The following PCBP3 variants were observed in gnomAD, a reference collection of about 807,000 sequenced individuals.
The protein encoded by PCBP3 is poly(rC)-binding protein 3.
A neutral mutation model predicts 52.7 loss-of-function variants in PCBP3; 25 were observed. The observed-to-expected ratio is 0.47, with a 90% CI of 0.35 to 0.66. The LOEUF (loss-of-function observed/expected upper bound fraction) is 0.66. Ranked by LOEUF, PCBP3 falls within the 30% of genes least tolerant of loss-of-function variation. The pLI is 0.01. For synonymous variants in PCBP3, 162 were observed against 183.0 expected, an observed-to-expected ratio of 0.89 and a Z score of 0.93; for missense variants, 391 against 490.3, an observed-to-expected ratio of 0.80 and a Z score of 1.91.
intron 4 of PCBP3, among the ~76,000 whole-genome samples, chr21:45,833,641 G>A (rs534124571): frequency 3.3e-5 from 5 of 152,368 alleles, no homozygotes; most frequent in South Asian, 2.1e-4. Context: ...CCCTGAGCAC[G>A]ACTGGATGGT....
rs1476677324 is a variant in PCBP3 at position 45,900,560 on chromosome 21, C to T, written c.190-31C>T. Reference sequence around the variant, plus strand: ...GCCGTCCTCAGAGCCAGAGGGATACCTTTTCCTTATTGTCTAAATCTTTAT... The same window carrying T: ...GCCGTCCTCAGAGCCAGAGGGATACTTTTTCCTTATTGTCTAAATCTTTAT... On this transcript the variant is annotated intron_variant, in intron 7 of 17. Transcript: ENST00000681687. 5 of 1,587,332 alleles carry T rather than the reference C, an allele frequency of 3.1e-6. No individual in the cohort carries two copies. The African/African-American group carries it at 6.7e-5, about 21-fold the overall frequency.
intron 2 of PCBP3, among the ~76,000 whole-genome samples, chr21:45,691,864 A>G (rs2082502410): frequency 6.6e-6 from 1 of 152,152 alleles, no homozygotes; most frequent in Non-Finnish European, 1.5e-5. Flanking sequence ...TCCCCAGCAC[A>G]AGGCTTGTTC....
intron 2 of PCBP3, among the ~76,000 whole-genome samples, chr21:45,729,330 C>T (rs2085288136): frequency 6.6e-6 from 1 of 152,146 alleles, no homozygotes; most frequent in Non-Finnish European, 1.5e-5. Context: ...TGGGTTGTTT[C>T]CCCGTGTTGG....
intron 6 of PCBP3, 31 bp downstream of exon 6, chr21:45,896,393 A>G (rs2095825872): frequency 1.3e-6 from 2 of 1,548,580 alleles, no homozygotes; most frequent in Non-Finnish European, 1.7e-6. Flanking sequence ...CTCTGTAGGA[A>G]AGGCGGCCGC....
rs897616741 is a variant in PCBP3 at position 45,829,674 on chromosome 21, G to A, written c.-125-20287G>A. 1 of 152,322 alleles carries A rather than the reference G, an allele frequency of 6.6e-6. No individual in the cohort carries two copies. The highest frequency in any genetic ancestry group is 2.4e-5 in the African/African-American group (1 of 41,460). 9.4% of individuals were successfully genotyped at this position (152,322 alleles called of 1,614,324 possible). A position where few individuals can be genotyped will look rare whatever the true frequency, so the allele number is the denominator to read the frequency against. On this transcript the variant is annotated intron_variant, in intron 4 of 17. Transcript: ENST00000681687. The surrounding 1 kb of genome is among the most constrained non-coding windows in gnomAD (Gnocchi z 5.2). ...TGAAGAGCAAAGTTCTGAAGGACAA[G>A]TGGCTGTTAATGCCGTGCAGCTGGC...
chr21:45,851,751 T>C (rs1351728439), intron 5 of PCBP3, among the ~76,000 whole-genome samples: 2 of 152,016 alleles, frequency 1.3e-5, no homozygotes, highest in Non-Finnish European at 2.9e-5. Context: ...CCTGGGAAAA[T>C]AGGAAGTGCC....
intron 4 of PCBP3, among the ~76,000 whole-genome samples, chr21:45,778,866 G>A (rs1209427028): frequency 6.6e-6 from 1 of 152,156 alleles, no homozygotes; most frequent in Non-Finnish European, 1.5e-5. Flanking sequence ...TGGAGTGCTG[G>A]GTGAAGAGTG....
At chr21:45,748,496 C>T (rs556395282) in intron 3 of PCBP3, among the ~76,000 whole-genome samples, 4 of 152,344 alleles carry the variant, frequency 2.6e-5, no homozygotes, top group Admixed American at 1.3e-4. Flanking sequence ...CCATTTTGCT[C>T]TTCTGAGGTA....
intron 4 of PCBP3, among the ~76,000 whole-genome samples, chr21:45,831,851 C>T (rs908053888): frequency 1.3e-5 from 2 of 152,154 alleles, no homozygotes; most frequent in Non-Finnish European, 2.9e-5. Flanking sequence ...GCTGGGATTA[C>T]AGGCATGTGC....
intron 4 of PCBP3, among the ~76,000 whole-genome samples, chr21:45,836,852 T>G (rs940541834): frequency 4.6e-5 from 7 of 152,166 alleles, no homozygotes; most frequent in African/African-American, 1.7e-4. Context: ...ACAAGGTGTC[T>G]TAGGTTGGTA....
At chr21:45,865,533 C>G (rs906192770) in intron 5 of PCBP3, among the ~76,000 whole-genome samples, 1 of 152,206 alleles carries the variant, frequency 6.6e-6, no homozygotes, top group Non-Finnish European at 1.5e-5. Context: ...CCGTGCCTCC[C>G]GCCCCATCCG....
intron 2 of PCBP3, among the ~76,000 whole-genome samples, chr21:45,692,662 C>T (rs558825571): frequency 5.3e-5 from 8 of 152,120 alleles, no homozygotes; most frequent in Non-Finnish European, 8.8e-5. Context: ...GTTAAAAACT[C>T]TAAGCTCAGA....
In PCBP3 at chr21:45,653,732, G is replaced by A. The variant is rs117850327; in HGVS notation, c.-279+9864G>A. Among the ~76,000 whole-genome samples, 1,120 of 151,990 alleles carry A rather than the reference G, an allele frequency of 7.4e-3. 2 individuals are homozygous for A. The highest frequency in any genetic ancestry group is 0.011 in the Non-Finnish European group (747 of 67,932). On this transcript the variant is annotated intron_variant, in intron 1 of 17. Transcript: ENST00000681687. Reference sequence around the variant, plus strand: ...TTCATTTACATTAAATGTAATTACTGATCTATTTGGGTTTAAATTTACGAT... The same window carrying A: ...TTCATTTACATTAAATGTAATTACTAATCTATTTGGGTTTAAATTTACGAT...
intron 16 of PCBP3, among the ~76,000 whole-genome samples, chr21:45,939,154 C>T (rs1317218406): frequency 6.6e-6 from 1 of 152,240 alleles, no homozygotes; most frequent in Non-Finnish European, 1.5e-5. Context: ...TGCCGGGCAC[C>T]CTCCAGTCTG....
intron 11 of PCBP3, among the ~76,000 whole-genome samples, chr21:45,913,438 A>T (rs1433617547): frequency 2.0e-5 from 3 of 152,090 alleles, no homozygotes; most frequent in Non-Finnish European, 4.4e-5. Flanking sequence ...CAGAACATTC[A>T]AGAGAATTGC....
At chr21:45,891,976 C>T (rs1401729940) in intron 5 of PCBP3, among the ~76,000 whole-genome samples, 2 of 152,206 alleles carry the variant, frequency 1.3e-5, no homozygotes, top group Non-Finnish European at 2.9e-5. Context: ...AGAGCACCAC[C>T]GGCCTAAAAT....
rs999493316 is a variant in PCBP3, at chr21:45,935,539, G to A, written c.909+234G>A. On this transcript the variant is annotated intron_variant, in intron 16 of 17. Coordinates refer to ENST00000681687, the MANE Select transcript of PCBP3 (RefSeq NM_001384156.1). Reference sequence around the variant, plus strand: ...ATGTTGAACAAGCAACAGGCTAAAGGGGACTTCAGATATTAATCAGTAGTC... The same window carrying A: ...ATGTTGAACAAGCAACAGGCTAAAGAGGACTTCAGATATTAATCAGTAGTC... The A allele has an allele frequency of 1.4e-5, 9 of 653,362 alleles. No homozygotes were observed. In the Admixed American group the frequency reaches 1.5e-4, roughly 11 times the overall value. The allele number at this position is 653,362 out of a possible 1,614,324, so 40.5% of individuals were successfully genotyped here. A position where few individuals can be genotyped will look rare whatever the true frequency, so the allele number is the denominator to read the frequency against.
At chr21:45,835,860 C>T (rs1253678822) in intron 4 of PCBP3, among the ~76,000 whole-genome samples, 3 of 152,088 alleles carry the variant, frequency 2.0e-5, no homozygotes, top group Admixed American at 6.5e-5. Flanking sequence ...GAGAGGAGAG[C>T]GCAGAAAGCC....
intron 4 of PCBP3, among the ~76,000 whole-genome samples, chr21:45,799,874 T>A (rs1217891842): frequency 6.6e-6 from 1 of 152,184 alleles, no homozygotes; most frequent in Non-Finnish European, 1.5e-5. Flanking sequence ...AGCAGCCTCT[T>A]GAGGTGATGT....
Sources: allele counts gnomAD v4.1 joint callset (sites outside exome capture counted in the v4.1 genomes callset), GRCh38; gene constraint gnomAD v4.1.1; non-coding constraint Gnocchi (gnomAD v3.1); transcripts MANE v1.5; gene names NCBI Gene and HGNC (gene_info 2026-07-23, HGNC 2026-07-21).